Variants in PNPT1 observed in about 807,000 individuals in gnomAD.
PNPT1 encodes the protein polyribonucleotide nucleotidyltransferase 1, also known as polyribonucleotide nucleotidyltransferase 1, mitochondrial.
PNPT1 carries 53 observed loss-of-function variants against 119.5 expected under a neutral mutation model. The ratio of observed to expected loss-of-function variants is 0.44; its 90% confidence interval spans 0.36 to 0.56. PNPT1 has a LOEUF of 0.56. Ranked by LOEUF, PNPT1 falls within the 20% of genes least tolerant of loss-of-function variation. The probability of loss-of-function intolerance (pLI) is 0.00; values close to 1 mark genes in which losing one functional copy is unlikely to be tolerated. For missense variants in PNPT1, 948 were observed against 938.5 expected, an observed-to-expected ratio of 1.01 and a Z score of -0.13; for synonymous variants, 357 against 322.1, an observed-to-expected ratio of 1.11 and a Z score of -1.16.
At chr2:55,666,084 C>T (rs1470090469) in intron 13 of PNPT1, among the ~76,000 whole-genome samples, 3 of 151,768 alleles carry the variant, frequency 2.0e-5, no homozygotes, top group Non-Finnish European at 4.4e-5. Context: ...TTTTGTATAC[C>T]CAATATTAAA....
At chr2:55,680,589 A>T in intron 7 of PNPT1, 123 bp downstream of exon 7, 2 of 889,900 alleles carry the variant, frequency 2.2e-6, no homozygotes, top group Non-Finnish European at 3.5e-6. Flanking sequence ...TTAGAACGTC[A>T]TCTAGTTCAA....
At chr2:55,649,958 T>C (rs1343715483) in intron 18 of PNPT1, among the ~76,000 whole-genome samples, 2 of 152,218 alleles carry the variant, frequency 1.3e-5, no homozygotes, top group Non-Finnish European at 2.9e-5. Flanking sequence ...AAATGCTGGC[T>C]TTAAGTCCAA....
In PNPT1 at chr2:55,659,629, T is replaced by C. The variant is rs1259523567; in HGVS notation, c.1284+528A>G. Among the ~76,000 whole-genome samples, 3 of 152,074 alleles carry C rather than the reference T, an allele frequency of 2.0e-5. No homozygotes were observed. In the East Asian group the frequency reaches 5.8e-4, roughly 29 times the overall value. On this transcript the variant is annotated intron_variant, in intron 15 of 27. Transcript: ENST00000447944. ...AAAAATACCACTTATCTCTCTAAAG[T>C]ACTTATCTCTTATCTCTCTAAAGTA...
chr2:55,669,428 CAAGA>C (rs1243469362), intron 11 of PNPT1, among the ~76,000 whole-genome samples: 1 of 152,062 alleles, frequency 6.6e-6, no homozygotes, highest in Non-Finnish European at 1.5e-5. Context: ...AACCAAAACA[CAAGA>C]AATGGTCACA....
chr2:55,688,760 C>CA lies in PNPT1; in HGVS notation c.162-1056dup, dbSNP rs1408657475. ...CAAAACAAAACAACAACAACAACAA[C>CA]AACAACAAAAAACTTTAGAATTTCT... is the stretch of plus-strand genomic sequence containing the variant. On this transcript the variant is annotated intron_variant, in intron 1 of 27. Coordinates refer to ENST00000447944, the MANE Select transcript of PNPT1 (RefSeq NM_033109.5). Among the ~76,000 whole-genome samples the CA allele has an allele frequency of 7.8e-3, 1,167 of 150,288 alleles. 16 individuals are homozygous for CA. The highest frequency in any genetic ancestry group is 0.024 in the African/African-American group (988 of 41,072).
chr2:55,650,232 C>T (rs1427058909), intron 18 of PNPT1, among the ~76,000 whole-genome samples: 1 of 152,190 alleles, frequency 6.6e-6, no homozygotes, highest in Non-Finnish European at 1.5e-5. Flanking sequence ...TGAAGCTGGA[C>T]GGTACTGCTG....
chr2:55,648,189 A>G (rs367965763), intron 18 of PNPT1, among the ~76,000 whole-genome samples: 37 of 152,260 alleles, frequency 2.4e-4, no homozygotes, highest in African/African-American at 8.4e-4. Context: ...TGTAAATATA[A>G]TCTTTTGTTT....
At chr2:55,642,322 G>C (rs1472996165) in intron 25 of PNPT1, among the ~76,000 whole-genome samples, 1 of 151,992 alleles carries the variant, frequency 6.6e-6, no homozygotes, top group Non-Finnish European at 1.5e-5. Context: ...AAAGAATTCA[G>C]TTGGCCGGGC....
chr2:55,692,649 C>G (rs985544778), intron 1 of PNPT1, among the ~76,000 whole-genome samples: 2 of 151,996 alleles, frequency 1.3e-5, no homozygotes, highest in Non-Finnish European at 2.9e-5. Context: ...TTTTTTGAGC[C>G]TCTGTAGTCT....
chr2:55,654,467 C>G (rs2104066734), intron 18 of PNPT1, among the ~76,000 whole-genome samples: 2 of 152,258 alleles, frequency 1.3e-5, no homozygotes, highest in Admixed American at 1.3e-4. Flanking sequence ...TCAAAACTTC[C>G]TTGGTGATTG....
chr2:55,658,807 C>G (rs2104081523), intron 15 of PNPT1, among the ~76,000 whole-genome samples: 1 of 152,254 alleles, frequency 6.6e-6, no homozygotes, highest in South Asian at 2.1e-4. Context: ...TATGGATATT[C>G]TGTAGCATAT....
intron 15 of PNPT1, among the ~76,000 whole-genome samples, chr2:55,659,016 G>A (rs573251526): frequency 6.6e-6 from 1 of 152,310 alleles, no homozygotes; most frequent in African/African-American, 2.4e-5. Flanking sequence ...GTGCGGCGGA[G>A]TGATAATGGC....
chr2:55,667,911 C>T lies in PNPT1; in HGVS notation c.1024G>A (p.Val342Ile). ...CTTCTAAAAACTTCCTTTGCAACAA[C>T]ATTGAAGGATTCTATTATTTCATAT... ...DPYEIIESFN[V>I]VAKEVFRSIV... The change falls in exon 12 of 28, where the codon GTT becomes ATT. Residue 342 changes from valine to isoleucine, a missense_variant. By Grantham distance (29) the Val-to-Ile change is conservative (BLOSUM62 3). Transcript: ENST00000447944. 6.3e-7 allele frequency: 1 copy of T among 1,582,448 alleles called. No homozygotes were observed. The highest frequency in any genetic ancestry group is 8.5e-7 in the Non-Finnish European group (1 of 1,171,956).
At chr2:55,658,054 A>G (rs1487565533) in intron 15 of PNPT1, among the ~76,000 whole-genome samples, 2 of 151,854 alleles carry the variant, frequency 1.3e-5, no homozygotes, top group East Asian at 3.9e-4. Context: ...CCTGGACAAC[A>G]TGGCAAAACC....
At chr2:55,688,597 T>A (rs1361499078) in intron 1 of PNPT1, among the ~76,000 whole-genome samples, 1 of 151,870 alleles carries the variant, frequency 6.6e-6, no homozygotes, top group Non-Finnish European at 1.5e-5. Flanking sequence ...TGGTGTTGCG[T>A]GTCTATAATC....
At chr2:55,683,917 C>T in intron 4 of PNPT1, 83 bp from the exon 5 acceptor site, 3 of 1,320,974 alleles carry the variant, frequency 2.3e-6, no homozygotes, top group Non-Finnish European at 1.1e-6. Context: ...TATAGATAGC[C>T]ATTCAATATG....
At chr2:55,662,644 A>AG (rs1696614177) in intron 13 of PNPT1, among the ~76,000 whole-genome samples, 1 of 152,206 alleles carries the variant, frequency 6.6e-6, no homozygotes. Flanking sequence ...ACTGCACTCC[A>AG]GCCTGGGCAA....
Position 55,686,385 on chromosome 2 carries a change from C to G in PNPT1, c.282G>C (p.Gln94His). The stretch of plus-strand genomic sequence containing the variant: ...AAATACTTACCACCAAAGGCATAAA[C>G]TGGGAAGGGGAAGGTTTTGTTTTAC... ...AVSKTKPSPS[Q>H]FMPLVVDYRQ... The change falls in exon 3 of 28, where the codon CAG becomes CAC. Residue 94 changes from glutamine (Q) to histidine (H), a missense_variant. Transcript: ENST00000447944. The G allele has an allele frequency of 6.2e-7, 1 of 1,612,942 alleles. No individual in the cohort carries two copies.
At chr2:55,651,294 A>T (rs1260147512) in intron 18 of PNPT1, among the ~76,000 whole-genome samples, 1 of 152,086 alleles carries the variant, frequency 6.6e-6, no homozygotes, top group African/African-American at 2.4e-5. Context: ...CTCATTGAGA[A>T]CGGGCCATGA....
Sources: allele counts gnomAD v4.1 joint callset (sites outside exome capture counted in the v4.1 genomes callset), GRCh38; gene constraint gnomAD v4.1.1; transcripts MANE v1.5; gene names NCBI Gene and HGNC (gene_info 2026-07-23, HGNC 2026-07-21).